HDAC4: variants seen among roughly 807,000 people sequenced by gnomAD.
The protein encoded by HDAC4 is histone deacetylase A.
In HDAC4, 16 loss-of-function variants were observed where a neutral mutation model predicts 135.1. The observed-to-expected ratio is 0.12, with a 90% CI of 0.08 to 0.18. The LOEUF is 0.18. Ranked by LOEUF, HDAC4 falls within the 10% of genes least tolerant of loss-of-function variation. HDAC4 has a pLI of 1.00. For missense variants in HDAC4, 1,143 were observed against 1,511.8 expected (o/e 0.76, Z 4.05); for synonymous variants, 685 against 653.4 (o/e 1.05, Z -0.74).
chr2:239,156,275 A>G (rs2152949914), intron 7 of HDAC4, among the ~76,000 whole-genome samples: 1 of 152,352 alleles, frequency 6.6e-6, no homozygotes, highest in Non-Finnish European at 1.5e-5. Flanking sequence ...TGAAGGCCAC[A>G]GGCTCACCTG....
chr2:239,054,162 T>C (rs1329406138), intron 25 of HDAC4, among the ~76,000 whole-genome samples: 3 of 152,120 alleles, frequency 2.0e-5, no homozygotes, highest in East Asian at 1.9e-4. Context: ...AGCTCTGGAC[T>C]ACCCCTGCTT....
intron 24 of HDAC4, among the ~76,000 whole-genome samples, chr2:239,063,406 A>T (rs949376949): frequency 6.6e-6 from 1 of 151,546 alleles, no homozygotes; most frequent in East Asian, 2.0e-4. Flanking sequence ...GGGTTTCACC[A>T]TGTTAGCCAG....
chr2:239,079,342 C>A (rs569517967), intron 22 of HDAC4, among the ~76,000 whole-genome samples: 1 of 152,316 alleles, frequency 6.6e-6, no homozygotes, highest in Non-Finnish European at 1.5e-5. Context: ...CAGGGCAGGT[C>A]CACTGAGGAG....
chr2:239,286,742 C>A (rs1391214945), intron 2 of HDAC4, among the ~76,000 whole-genome samples: 4 of 151,674 alleles, frequency 2.6e-5, no homozygotes, highest in Non-Finnish European at 5.9e-5. Context: ...CACAGACAGA[C>A]AAGGAAGGAG....
chr2:239,056,286 T>C (rs2031831899), intron 24 of HDAC4, among the ~76,000 whole-genome samples: 1 of 152,164 alleles, frequency 6.6e-6, no homozygotes, highest in South Asian at 2.1e-4. Context: ...TGAGCGAGGT[T>C]CCCAATCCCA....
chr2:239,277,039 C>A (rs536318010), intron 2 of HDAC4, among the ~76,000 whole-genome samples: 6 of 152,316 alleles, frequency 3.9e-5, no homozygotes, highest in Non-Finnish European at 5.9e-5. Flanking sequence ...CTGCATTTGC[C>A]CCTGCTGGTG....
intron 2 of HDAC4, among the ~76,000 whole-genome samples, chr2:239,248,241 C>T (rs1017895067): frequency 2.0e-5 from 3 of 151,568 alleles, no homozygotes; most frequent in South Asian, 2.1e-4. Flanking sequence ...AGTGCAGTGG[C>T]GTGATCTCGG....
intron 2 of HDAC4, among the ~76,000 whole-genome samples, chr2:239,279,732 G>A (rs2050594064): frequency 6.6e-6 from 1 of 152,348 alleles, no homozygotes; most frequent in South Asian, 2.1e-4. Flanking sequence ...CACCAGGCCA[G>A]GCCCGCAGGG....
At chr2:239,315,195 A>C (rs1490619976) in intron 2 of HDAC4, among the ~76,000 whole-genome samples, 1 of 152,126 alleles carries the variant, frequency 6.6e-6, no homozygotes, top group Non-Finnish European at 1.5e-5. Flanking sequence ...TCTGGACTGG[A>C]CCAATGTTCA....
At chr2:239,089,755 T>G in intron 18 of HDAC4, 1 of 412,078 alleles carries the variant, frequency 2.4e-6, no homozygotes, top group South Asian at 4.4e-5. Context: ...AGAGTATAAA[T>G]TTTTAAGAGT....
chr2:239,228,422 G>A (rs573411857), intron 3 of HDAC4, among the ~76,000 whole-genome samples: 1 of 152,220 alleles, frequency 6.6e-6, no homozygotes, highest in Admixed American at 6.5e-5. Flanking sequence ...AGAGTTAGGA[G>A]GAAAGTGAAT....
rs1292769054 is a variant in HDAC4, at chr2:239,051,025, G to T, written c.*2072C>A. 2 of 152,586 alleles carry T rather than the reference G, an allele frequency of 1.3e-5. No individual in the cohort carries two copies. Among genetic ancestry groups the T allele is most frequent in the Non-Finnish European group, 2.9e-5 (2 of 68,044 alleles). 9.5% of individuals were successfully genotyped at this position (152,586 alleles called of 1,614,324 possible). A position where few individuals can be genotyped will look rare whatever the true frequency, so the allele number is the denominator to read the frequency against. ...CCATGCATTGCTGACATGCTCAAAA[G>T]GTCTTTGGAAAACTCAAGTTAGAAT... On this transcript the variant is annotated 3_prime_UTR_variant, in exon 27 of 27. Coordinates refer to ENST00000543185, the MANE Select transcript of HDAC4 (RefSeq NM_001378414.1).
chr2:239,172,737 G>A (rs752051491), intron 5 of HDAC4, among the ~76,000 whole-genome samples: 52 of 152,182 alleles, frequency 3.4e-4, no homozygotes, highest in Admixed American at 9.2e-4. Flanking sequence ...CTTCTGGAGA[G>A]AGTGACCAAG....
Position 239,227,831 on chromosome 2 carries a change from TCAGGTCCAGCGGACTG to T in HDAC4, c.94+8746_94+8761del, listed in dbSNP as rs372934312. 1.4e-3 allele frequency among the ~76,000 whole-genome samples: 209 copies of T among 152,286 alleles called. 4 individuals are homozygous for T. Among genetic ancestry groups the T allele is most frequent in the African/African-American group, 3.5e-3 (144 of 41,556 alleles). ...TTCACGAGAGTCATCGCCCTGCAGATCAGGTCCAGCGGACTGCAGGTCCAGCAGCTGCCACTGCAGG... is the reference window on the plus strand; with the variant it reads ...TTCACGAGAGTCATCGCCCTGCAGATCAGGTCCAGCAGCTGCCACTGCAGG... On this transcript the variant is annotated intron_variant, in intron 3 of 26. Coordinates refer to ENST00000543185, the MANE Select transcript of HDAC4 (RefSeq NM_001378414.1).
chr2:239,185,990 C>CA (rs1398531442), intron 4 of HDAC4, among the ~76,000 whole-genome samples: 4 of 152,224 alleles, frequency 2.6e-5, no homozygotes, highest in African/African-American at 7.2e-5. Flanking sequence ...ACTGAGATGG[C>CA]ACCAATGCAC....
Position 239,102,767 on chromosome 2 carries a change from C to T in HDAC4, c.2233+9G>A. 1 of 1,613,724 alleles carries T rather than the reference C, an allele frequency of 6.2e-7. No homozygotes were observed. Among genetic ancestry groups the T allele is most frequent in the Admixed American group, 1.7e-5 (1 of 60,018 alleles). ...CCCAATATGGGAGGAAAGGAAGGTC[C>T]TGAAATACCTAGAAGTTTCTTACTG... is the stretch of plus-strand genomic sequence containing the variant. On this transcript the variant is annotated intron_variant, in intron 16 of 26. Transcript: ENST00000543185.
intron 4 of HDAC4, among the ~76,000 whole-genome samples, chr2:239,189,010 G>C (rs559679740): frequency 1.6e-4 from 25 of 152,384 alleles, no homozygotes; most frequent in Non-Finnish European, 2.6e-4. Context: ...CACAGAGCAA[G>C]ACAATACAAA....
Position 239,307,411 on chromosome 2 carries a change from T to C in HDAC4, c.22+45267A>G, listed in dbSNP as rs1346629128. On this transcript the variant is annotated intron_variant, in intron 2 of 26. Transcript: ENST00000543185. This position sits in a 1 kb window ranked among gnomAD's most constrained non-coding sequence, Gnocchi z 4.8. ...CCACTGGGCCCCAGGAGAGAGGGGC[T>C]TGAAGGATGGGTACCCCAAGCTGTC... Among the ~76,000 whole-genome samples the C allele has an allele frequency of 1.3e-5, 2 of 152,052 alleles. No homozygotes were observed. Among genetic ancestry groups the C allele is most frequent in the Non-Finnish European group, 2.9e-5 (2 of 68,006 alleles).
chr2:239,263,274 A>T (rs867160099), intron 2 of HDAC4, among the ~76,000 whole-genome samples: 1 of 24,220 alleles, frequency 4.1e-5, no homozygotes, highest in South Asian at 2.3e-3. Flanking sequence ...ACCCCCGCCC[A>T]GCCCAGCCCC....
Sources: allele counts gnomAD v4.1 joint callset (sites outside exome capture counted in the v4.1 genomes callset), GRCh38; gene constraint gnomAD v4.1.1; non-coding constraint Gnocchi (gnomAD v3.1); transcripts MANE v1.5; gene names NCBI Gene and HGNC (gene_info 2026-07-23, HGNC 2026-07-21).